Variants in CSMD2 observed in about 807,000 individuals in gnomAD.
CSMD2 encodes the protein CUB and Sushi multiple domains 2.
A neutral mutation model predicts 398.5 loss-of-function variants in CSMD2; 130 were observed. The ratio of observed to expected loss-of-function variants is 0.33; its 90% confidence interval spans 0.28 to 0.38. The LOEUF (loss-of-function observed/expected upper bound fraction) is 0.38, where lower values mean the gene tolerates loss of function less well. CSMD2 is among the 10% of genes least tolerant of loss of function. The probability of loss-of-function intolerance (pLI) is 1.00; values close to 1 mark genes in which losing one functional copy is unlikely to be tolerated. For synonymous variants in CSMD2, 1,828 were observed against 1,908.5 expected (o/e 0.96, Z 1.10); for missense variants, 3,829 against 4,764.9 (o/e 0.80, Z 5.78).
At chr1:33,985,394 G>A (rs112228516) in intron 3 of CSMD2, among the ~76,000 whole-genome samples, 423 of 152,302 alleles carry the variant, frequency 2.8e-3, no homozygotes, top group Non-Finnish European at 4.2e-3. Flanking sequence ...GAGGGACTGC[G>A]GTGGGCCAGG....
rs180955622 is a variant in CSMD2, at chr1:33,851,483, C to T, written c.921-4487G>A. Among the ~76,000 whole-genome samples, 3 of 152,296 alleles carry T rather than the reference C, an allele frequency of 2.0e-5. No individual in the cohort carries two copies. In the East Asian group the frequency reaches 5.8e-4, roughly 29 times the overall value. On this transcript the variant is annotated intron_variant, in intron 5 of 70. Coordinates refer to ENST00000373381, the MANE Select transcript of CSMD2 (RefSeq NM_001281956.2). ...GAATGTGAAATATAGGAGGTCCTCA[C>T]CACCTTATCCCCACTCCCAAGCCCT... is the stretch of plus-strand genomic sequence containing the variant.
intron 55 of CSMD2, among the ~76,000 whole-genome samples, chr1:33,556,516 C>T (rs765881047): frequency 2.0e-5 from 3 of 152,190 alleles, no homozygotes; most frequent in Non-Finnish European, 2.9e-5. Context: ...TTCACCTTTG[C>T]TTCTTGGAAG....
chr1:33,940,279 G>T (rs1213356521), intron 3 of CSMD2, among the ~76,000 whole-genome samples: 1 of 151,980 alleles, frequency 6.6e-6, no homozygotes, highest in Non-Finnish European at 1.5e-5. Flanking sequence ...ACATCCTAAT[G>T]ACCTCATCCT....
intron 1 of CSMD2, among the ~76,000 whole-genome samples, chr1:34,106,683 G>A (rs1193831169): frequency 6.6e-6 from 1 of 152,162 alleles, no homozygotes; most frequent in South Asian, 2.1e-4. Flanking sequence ...GTGCCTCAGG[G>A]ACCTGGATAC....
chr1:33,653,427 C>T (rs1643866283), intron 27 of CSMD2, among the ~76,000 whole-genome samples: 1 of 152,222 alleles, frequency 6.6e-6, no homozygotes, highest in South Asian at 2.1e-4. Flanking sequence ...CCTACGCTGC[C>T]AGTGCTCCTG....
intron 5 of CSMD2, chr1:33,860,348 C>T (rs1458575075): frequency 1.3e-5 from 2 of 152,034 alleles, no homozygotes; most frequent in African/African-American, 4.8e-5. Context: ...TTTTCATAGA[C>T]CTTGGCTATG....
chr1:33,761,357 C>T (rs1417624121), intron 13 of CSMD2, among the ~76,000 whole-genome samples: 3 of 152,320 alleles, frequency 2.0e-5, no homozygotes, highest in East Asian at 1.9e-4. Context: ...ATACTCGTAG[C>T]GTCCTATTCT....
chr1:33,519,340 C>A lies in CSMD2; in HGVS notation c.*53+125G>T, dbSNP rs964812031. ...GCCTGTTACACAATGATGCTCAATG[C>A]ACAGCTCTCCTCTTACTGGGTGTGT... On this transcript the variant is annotated intron_variant, in intron 70 of 70. Coordinates refer to ENST00000373381, the MANE Select transcript of CSMD2 (RefSeq NM_001281956.2). The surrounding 1 kb of genome is among the most constrained non-coding windows in gnomAD (Gnocchi z 5.6). 1 of 620,772 alleles carries A rather than the reference C, an allele frequency of 1.6e-6. No homozygotes were observed. The allele number at this position is 620,772 out of a possible 1,614,324, so 38.5% of individuals were successfully genotyped here.
chr1:33,811,067 G>A (rs912315787), intron 9 of CSMD2, among the ~76,000 whole-genome samples: 1 of 152,098 alleles, frequency 6.6e-6, no homozygotes, highest in Non-Finnish European at 1.5e-5. Context: ...CTGCTGTTCT[G>A]TAGGCAATGA....
chr1:33,570,092 A>G (rs1175639918), intron 51 of CSMD2, among the ~76,000 whole-genome samples: 2 of 151,216 alleles, frequency 1.3e-5, no homozygotes, highest in East Asian at 3.9e-4. Context: ...TCTGCCACAT[A>G]TGTGGTTACA....
intron 53 of CSMD2, among the ~76,000 whole-genome samples, chr1:33,562,470 G>A (rs1658661088): frequency 6.6e-6 from 1 of 152,218 alleles, no homozygotes. Context: ...CAGAGATACT[G>A]TTGACTGGGA....
intron 36 of CSMD2, among the ~76,000 whole-genome samples, chr1:33,623,138 G>A (rs1299293588): frequency 6.6e-6 from 1 of 152,204 alleles, no homozygotes; most frequent in East Asian, 1.9e-4. Context: ...GGAGGGGAGT[G>A]CAAATGGGTA....
rs752786294 is a variant in CSMD2, at chr1:33,542,721, G to A, written c.9276C>T (p.Leu3092=). 6 of 1,612,738 alleles carry A rather than the reference G, an allele frequency of 3.7e-6. No homozygotes were observed. In the African/African-American group the frequency reaches 4.0e-5, roughly 11 times the overall value. Reference sequence around the variant, plus strand: ...AACCCGTAGGGCCTGAGCTCTCACCGAGGCACTCAGGGTCACTGCCTGTCC... The same window carrying A: ...AACCCGTAGGGCCTGAGCTCTCACCAAGGCACTCAGGGTCACTGCCTGTCC... ...GTWTGSDPEC[L]VINCGDPGIP... is the part of the protein sequence containing the mutation. Residue 3092 remains leucine (L), a splice_region_variant and synonymous_variant, in exon 58 of 71, where the codon CTC becomes CTT. Transcript: ENST00000373381.
chr1:33,646,526 G>A lies in CSMD2; in HGVS notation c.4774+122C>T, dbSNP rs1571071402. On this transcript the variant is annotated intron_variant, in intron 29 of 70. Transcript: ENST00000373381. Reference sequence around the variant, plus strand: ...GCAGGTTTCTGCAGGCGGCAGCAGTGCTAGGGTTGGTGTGGGCTTGCTGTG... The same window carrying A: ...GCAGGTTTCTGCAGGCGGCAGCAGTACTAGGGTTGGTGTGGGCTTGCTGTG... The A allele has an allele frequency of 4.7e-6, 5 of 1,053,548 alleles. No individual in the cohort carries two copies. In the South Asian group the frequency reaches 7.5e-5, roughly 16 times the overall value. 65.3% of individuals were successfully genotyped at this position (1,053,548 alleles called of 1,614,324 possible).
At chr1:33,965,549 C>A (rs551772637) in intron 3 of CSMD2, among the ~76,000 whole-genome samples, 1 of 152,178 alleles carries the variant, frequency 6.6e-6, no homozygotes, top group Non-Finnish European at 1.5e-5. Context: ...TCAGGAAGTG[C>A]TCCATAACTG....
chr1:33,988,527 C>T (rs1345694802), intron 3 of CSMD2, among the ~76,000 whole-genome samples: 2 of 152,212 alleles, frequency 1.3e-5, no homozygotes, highest in East Asian at 3.9e-4. Flanking sequence ...TCTCTGTTTC[C>T]TAACCCTATT....
rs1057111757 is a variant in CSMD2 at position 33,887,929 on chromosome 1, G to T, written c.920+30165C>A. On this transcript the variant is annotated intron_variant, in intron 5 of 70. Coordinates refer to ENST00000373381, the MANE Select transcript of CSMD2 (RefSeq NM_001281956.2). ...TTCAGTAAGATGGCTGGTTACAGAA[G>T]AAATGTACAGAAATCAATAGCTTTC... is the stretch of plus-strand genomic sequence containing the variant. Among the ~76,000 whole-genome samples, 15 of 152,070 alleles carry T rather than the reference G, an allele frequency of 9.9e-5. 1 individual carries two copies. Among genetic ancestry groups the T allele is most frequent in the Non-Finnish European group, 1.6e-4 (11 of 67,950 alleles).
chr1:33,623,425 C>T lies in CSMD2; in HGVS notation c.5667G>A (p.Ser1889=), dbSNP rs145955934. 1.1e-4 allele frequency: 174 copies of T among 1,614,024 alleles called. No homozygotes were observed. The highest frequency in any genetic ancestry group is 1.4e-4 in the Non-Finnish European group (163 of 1,180,032). The part of the protein sequence containing the change: ...VSFVTEQNWD[S]LEVFDGADNT... ...TATCTGCACCATCAAATACTTCCAG[C>T]GAGTCCCAGTTCTGCTCTGTCACAA... is the stretch of plus-strand genomic sequence containing the variant. Residue 1889 remains serine (S), a synonymous_variant, in exon 36 of 71, where the codon TCG becomes TCA. Coordinates refer to ENST00000373381, the MANE Select transcript of CSMD2 (RefSeq NM_001281956.2).
At chr1:34,152,167 G>A (rs1640387667) in intron 1 of CSMD2, among the ~76,000 whole-genome samples, 1 of 152,138 alleles carries the variant, frequency 6.6e-6, no homozygotes, top group Non-Finnish European at 1.5e-5. Flanking sequence ...CTTTCTAGAT[G>A]GAAGTTTTGT....
Sources: gnomAD v4.1 joint callset for allele counts (sites outside exome capture counted in the v4.1 genomes callset) on GRCh38, gnomAD v4.1.1 for gene constraint, Gnocchi (gnomAD v3.1) non-coding constraint, MANE v1.5 for transcripts, NCBI Gene and HGNC (gene_info 2026-07-23, HGNC 2026-07-21) for gene names.